Variants in CA12 observed in about 807,000 individuals in gnomAD.
The protein encoded by CA12 is carbonic anhydrase 12, also known as carbonate dehydratase XII.
Under a neutral mutation model 46.8 loss-of-function variants are expected in CA12, and 36 were observed. The observed-to-expected ratio is 0.77, with a 90% CI of 0.59 to 1.02. The LOEUF is 1.02. CA12 is among the 50% of genes least tolerant of loss of function. The pLI is 0.00. For missense variants in CA12, 436 were observed against 451.4 expected (o/e 0.97, Z 0.31); for synonymous variants, 202 against 187.0 (o/e 1.08, Z -0.65).
At chr15:63,332,842 A>G (rs146103743) in intron 8 of CA12, among the ~76,000 whole-genome samples, 2 of 152,340 alleles carry the variant, frequency 1.3e-5, no homozygotes, top group Admixed American at 6.5e-5. Flanking sequence ...CATTCTTTCA[A>G]CAAGCTTATA....
At chr15:63,367,220 C>A (rs2039447879) in intron 2 of CA12, among the ~76,000 whole-genome samples, 1 of 152,218 alleles carries the variant, frequency 6.6e-6, no homozygotes, top group South Asian at 2.1e-4. Context: ...CGCACCCAGC[C>A]AGCATGGCTT....
intron 1 of CA12, among the ~76,000 whole-genome samples, chr15:63,377,477 C>CT (rs567253923): frequency 5.8e-4 from 79 of 135,970 alleles, no homozygotes; most frequent in Middle Eastern, 3.6e-3. Flanking sequence ...GTGAACTTGG[C>CT]TTTTTTTTTA....
chr15:63,381,340 G>A (rs569798012), intron 1 of CA12, among the ~76,000 whole-genome samples: 4 of 152,252 alleles, frequency 2.6e-5, no homozygotes, highest in African/African-American at 7.2e-5. Context: ...TCTTGGCTTT[G>A]CATCTCCTCC....
chr15:63,345,709 G>T lies in CA12; in HGVS notation c.287-90C>A. On this transcript the variant is annotated intron_variant, in intron 3 of 10. Transcript: ENST00000178638. The surrounding 1 kb of genome is among the most constrained non-coding windows in gnomAD (Gnocchi z 4.3). ...GGTAGGCAATGCTCCCTCCACCCCT[G>T]CTGCCACCCCCTGGAGCCCAGAGAG... The T allele has an allele frequency of 6.7e-7, 1 of 1,495,332 alleles. No individual in the cohort carries two copies. Among genetic ancestry groups the T allele is most frequent in the Non-Finnish European group, 9.0e-7 (1 of 1,107,400 alleles). 92.6% of individuals were successfully genotyped at this position (1,495,332 alleles called of 1,614,324 possible).
In CA12 at chr15:63,329,450, A is replaced by T. The variant is rs2038908708; in HGVS notation, c.875-1320T>A. 6.6e-6 allele frequency among the ~76,000 whole-genome samples: 1 copy of T among 152,142 alleles called. No individual in the cohort carries two copies. Among genetic ancestry groups the T allele is most frequent in the South Asian group, 2.1e-4 (1 of 4,824 alleles). On this transcript the variant is annotated intron_variant, in intron 8 of 10. Transcript: ENST00000178638. The surrounding 1 kb of genome is among the most constrained non-coding windows in gnomAD (Gnocchi z 4.8). ...CATGAAGTCTCCCCTGAAAACCCTCAGCCTGTTTTTTCCAAGGTTCCCACA... is the reference window on the plus strand; with the variant it reads ...CATGAAGTCTCCCCTGAAAACCCTCTGCCTGTTTTTTCCAAGGTTCCCACA...
intron 2 of CA12, among the ~76,000 whole-genome samples, chr15:63,362,280 G>T (rs1257960209): frequency 6.6e-6 from 1 of 152,220 alleles, no homozygotes; most frequent in African/African-American, 2.4e-5. Context: ...ACAATGCTAT[G>T]ATATAGACAC....
chr15:63,367,460 C>T (rs565186482), intron 2 of CA12, among the ~76,000 whole-genome samples: 3 of 152,162 alleles, frequency 2.0e-5, no homozygotes, highest in Non-Finnish European at 4.4e-5. Flanking sequence ...CCTGGGAAGG[C>T]ACCAGGCCCC....
intron 2 of CA12, among the ~76,000 whole-genome samples, chr15:63,362,126 AG>A (rs1423008030): frequency 3.3e-5 from 5 of 152,192 alleles, no homozygotes; most frequent in Non-Finnish European, 1.5e-5. Flanking sequence ...GCAGTCACAG[AG>A]AATATGCAAA....
Position 63,331,843 on chromosome 15 carries a change from C to T in CA12, c.875-3713G>A, listed in dbSNP as rs755812512. On this transcript the variant is annotated intron_variant, in intron 8 of 10. Coordinates refer to ENST00000178638, the MANE Select transcript of CA12 (RefSeq NM_001218.5). The surrounding 1 kb of genome is among the most constrained non-coding windows in gnomAD (Gnocchi z 5.3). Reference sequence around the variant, plus strand: ...GATGCTGGTTAAGGGCTTTTGAGGTCTTCTGAAGCCTCAAGCATAAACACA... The same window carrying T: ...GATGCTGGTTAAGGGCTTTTGAGGTTTTCTGAAGCCTCAAGCATAAACACA... The T allele has an allele frequency of 5.9e-5, 9 of 152,152 alleles. No homozygotes were observed. The highest frequency in any genetic ancestry group is 8.8e-5 in the Non-Finnish European group (6 of 68,028). 9.4% of individuals were successfully genotyped at this position (152,152 alleles called of 1,614,324 possible).
At chr15:63,369,727 C>T (rs760695692) in intron 2 of CA12, among the ~76,000 whole-genome samples, 4 of 152,174 alleles carry the variant, frequency 2.6e-5, no homozygotes, top group Non-Finnish European at 5.9e-5. Context: ...TTTCCTAAGG[C>T]GCACCAGACA....
chr15:63,350,731 C>T (rs1241137019), intron 2 of CA12, among the ~76,000 whole-genome samples: 1 of 145,748 alleles, frequency 6.9e-6, no homozygotes, highest in East Asian at 1.9e-4. Flanking sequence ...CTGCATTATC[C>T]AAGGACCAGA....
chr15:63,359,589 A>G (rs1178990079), intron 2 of CA12, among the ~76,000 whole-genome samples: 10 of 152,326 alleles, frequency 6.6e-5, no homozygotes, highest in Non-Finnish European at 8.8e-5. Flanking sequence ...ACCCTCAGAC[A>G]AATAAAAATC....
chr15:63,363,445 T>G (rs2039392905), intron 2 of CA12, among the ~76,000 whole-genome samples: 1 of 152,226 alleles, frequency 6.6e-6, no homozygotes, highest in Non-Finnish European at 1.5e-5. Context: ...TATGTGCATC[T>G]ATCTGCCTAT....
intron 2 of CA12, among the ~76,000 whole-genome samples, chr15:63,371,644 CTT>C (rs948234434): frequency 7.2e-5 from 11 of 152,360 alleles, no homozygotes; most frequent in Non-Finnish European, 1.3e-4. Context: ...GCGTTTAAGA[CTT>C]TGCAGATCTT....
chr15:63,344,360 T>C (rs968220181), intron 4 of CA12, among the ~76,000 whole-genome samples: 1 of 152,252 alleles, frequency 6.6e-6, no homozygotes, highest in Non-Finnish European at 1.5e-5. Context: ...CTTGTCTCCC[T>C]GTCTCCCGGG....
rs111720922 is a variant in CA12, at chr15:63,338,395, T to C, written c.874+424A>G. On this transcript the variant is annotated intron_variant, in intron 8 of 10. Coordinates refer to ENST00000178638, the MANE Select transcript of CA12 (RefSeq NM_001218.5). Reference sequence around the variant, plus strand: ...ATTTGGTGGTGGTGCATGAATCACCTGGCCAGGCCTAAGATAGGCTGGCTG... The same window carrying C: ...ATTTGGTGGTGGTGCATGAATCACCCGGCCAGGCCTAAGATAGGCTGGCTG... Among the ~76,000 whole-genome samples, 1,239 of 152,302 alleles carry C rather than the reference T, an allele frequency of 8.1e-3. 11 individuals are homozygous for C. The highest frequency in any genetic ancestry group is 0.027 in the African/African-American group (1,131 of 41,550).
At chr15:63,375,798 A>C in intron 1 of CA12, 120 bp from the exon 2 acceptor site, 1 of 728,046 alleles carries the variant, frequency 1.4e-6, no homozygotes, top group Non-Finnish European at 2.4e-6. Context: ...AGAAATTGAA[A>C]CTTTTTCTTT....
At chr15:63,338,573 C>T (rs2039032990) in intron 8 of CA12, among the ~76,000 whole-genome samples, 1 of 152,212 alleles carries the variant, frequency 6.6e-6, no homozygotes, top group South Asian at 2.1e-4. Context: ...GACTCCCAGG[C>T]TTAAAGAGTG....
At chr15:63,354,832 C>T (rs113763772) in intron 2 of CA12, among the ~76,000 whole-genome samples, 137 of 152,236 alleles carry the variant, frequency 9.0e-4, no homozygotes, top group African/African-American at 3.2e-3. Context: ...GCCAGCTCAG[C>T]CCTCCACCCA....
Sources: gnomAD v4.1 joint callset for allele counts (sites outside exome capture counted in the v4.1 genomes callset) on GRCh38, gnomAD v4.1.1 for gene constraint, Gnocchi (gnomAD v3.1) non-coding constraint, MANE v1.5 for transcripts, NCBI Gene and HGNC (gene_info 2026-07-23, HGNC 2026-07-21) for gene names.